Variants in CNTNAP2 observed in about 807,000 individuals in gnomAD.
The protein encoded by CNTNAP2 is contactin-associated protein-like 2.
A neutral mutation model predicts 155.2 loss-of-function variants in CNTNAP2; 98 were observed. The observed-to-expected ratio is 0.63, with a 90% CI of 0.54 to 0.75. The LOEUF is 0.75. Among genes scored for constraint, CNTNAP2 ranks in the 30% least tolerant of loss-of-function variants. The pLI is 0.00. For missense variants in CNTNAP2, 1,727 were observed against 1,688.1 expected, an observed-to-expected ratio of 1.02 and a Z score of -0.40; for synonymous variants, 651 against 631.2, an observed-to-expected ratio of 1.03 and a Z score of -0.47.
intron 8 of CNTNAP2, among the ~76,000 whole-genome samples, chr7:147,209,990 A>AT: frequency 6.6e-6 from 1 of 151,812 alleles, no homozygotes; most frequent in East Asian, 1.9e-4. Context: ...CAAAATACTA[A>AT]TTTGCTAGTA....
At chr7:146,558,370 A>G (rs1357737035) in intron 1 of CNTNAP2, among the ~76,000 whole-genome samples, 1 of 152,224 alleles carries the variant, frequency 6.6e-6, no homozygotes, top group African/African-American at 2.4e-5. Context: ...AGGAATCAGC[A>G]TAGCTGATGG....
intron 12 of CNTNAP2, among the ~76,000 whole-genome samples, chr7:147,614,407 T>C (rs951045508): frequency 6.6e-6 from 1 of 152,122 alleles, no homozygotes; most frequent in African/African-American, 2.4e-5. Context: ...AGTTCTTGCA[T>C]ATATTTTGTG....
chr7:146,779,573 C>A (rs1343485844), intron 2 of CNTNAP2, among the ~76,000 whole-genome samples: 1 of 152,224 alleles, frequency 6.6e-6, no homozygotes, highest in Non-Finnish European at 1.5e-5. Flanking sequence ...GAAACCCAGT[C>A]ATGCAATCTC....
intron 21 of CNTNAP2, among the ~76,000 whole-genome samples, chr7:148,283,284 AAAGAAAGAAAGAAAGAAAGAAAGGAAGG>A (rs1221113256): frequency 0.043 from 4,662 of 109,148 alleles, 394 homozygotes; most frequent in African/African-American, 0.087. Context: ...AGAAAGAAAG[AAAGAAAGAAAGAAAGAAAGAAAGGAAGG>A]AAGGAAGGAA....
intron 1 of CNTNAP2, among the ~76,000 whole-genome samples, chr7:146,414,203 C>A (rs1169615511): frequency 1.3e-5 from 2 of 152,068 alleles, no homozygotes; most frequent in Non-Finnish European, 2.9e-5. Context: ...ATTCGTGATT[C>A]TTAGTGGTTA....
At chr7:147,485,333 T>A (rs977170913) in intron 10 of CNTNAP2, among the ~76,000 whole-genome samples, 1 of 152,216 alleles carries the variant, frequency 6.6e-6, no homozygotes, top group African/African-American at 2.4e-5. Context: ...TAAAAAGATA[T>A]AGATTTGAAC....
At chr7:147,735,679 A>T (rs112324122) in intron 13 of CNTNAP2, among the ~76,000 whole-genome samples, 1 of 152,030 alleles carries the variant, frequency 6.6e-6, no homozygotes. Flanking sequence ...AGGTGTCGAA[A>T]GACTTGCTTT....
At chr7:146,784,973 C>CTTTTTTTTTTTTT in intron 2 of CNTNAP2, among the ~76,000 whole-genome samples, 1 of 141,672 alleles carries the variant, frequency 7.1e-6, no homozygotes, top group Non-Finnish European at 1.5e-5. Flanking sequence ...TATCCCTTTG[C>CTTTTTTTTTTTTT]TTTTTTTTTT....
intron 1 of CNTNAP2, among the ~76,000 whole-genome samples, chr7:146,464,068 A>G (rs918834976): frequency 1.3e-5 from 2 of 152,022 alleles, no homozygotes; most frequent in African/African-American, 4.8e-5. Context: ...CTTATATTCA[A>G]TTTGGTCACA....
chr7:147,046,888 T>C (rs1429234665), intron 4 of CNTNAP2, among the ~76,000 whole-genome samples: 6 of 151,306 alleles, frequency 4.0e-5, no homozygotes, highest in East Asian at 4.0e-4. Flanking sequence ...CAAAATTAAC[T>C]GGGCATTGTG....
intron 1 of CNTNAP2, among the ~76,000 whole-genome samples, chr7:146,368,889 C>T (rs1795192218): frequency 6.7e-6 from 1 of 149,944 alleles, no homozygotes; most frequent in African/African-American, 2.4e-5. Context: ...AATGATATGC[C>T]ATTCTTCCAT....
chr7:146,860,737 T>A (rs941740435), intron 3 of CNTNAP2, among the ~76,000 whole-genome samples: 51 of 152,166 alleles, frequency 3.4e-4, no homozygotes, highest in African/African-American at 1.1e-3. Flanking sequence ...TGAAAAAAAA[T>A]TTCTTGGAAC....
intron 20 of CNTNAP2, among the ~76,000 whole-genome samples, chr7:148,244,493 A>G (rs1467692292): frequency 6.6e-6 from 1 of 150,910 alleles, no homozygotes; most frequent in Admixed American, 6.6e-5. Flanking sequence ...GATTATATTT[A>G]TGTTTTAATT....
chr7:146,823,308 C>A (rs1298911248), intron 2 of CNTNAP2, among the ~76,000 whole-genome samples: 1 of 148,054 alleles, frequency 6.8e-6, no homozygotes, highest in African/African-American at 2.5e-5. Context: ...AGTATAATTA[C>A]ATGTAAATAT....
intron 13 of CNTNAP2, among the ~76,000 whole-genome samples, chr7:147,641,023 G>A (rs1795266620): frequency 6.6e-6 from 1 of 152,200 alleles, no homozygotes; most frequent in African/African-American, 2.4e-5. Context: ...CATGTTGCCA[G>A]GCACATGTGA....
At chr7:147,516,389 T>A (rs1252392133) in intron 11 of CNTNAP2, among the ~76,000 whole-genome samples, 3 of 152,254 alleles carry the variant, frequency 2.0e-5, no homozygotes, top group Non-Finnish European at 4.4e-5. Context: ...ATTTCCGTGT[T>A]AAAATGCTGG....
intron 15 of CNTNAP2, among the ~76,000 whole-genome samples, chr7:148,088,411 C>T (rs954190627): frequency 2.0e-5 from 3 of 150,804 alleles, no homozygotes; most frequent in African/African-American, 7.3e-5. Context: ...TAAACAAAAT[C>T]AATAAAATTT....
chr7:146,783,870 T>C (rs1164463140), intron 2 of CNTNAP2, among the ~76,000 whole-genome samples: 1 of 152,166 alleles, frequency 6.6e-6, no homozygotes, highest in Non-Finnish European at 1.5e-5. Context: ...AGAACATCTT[T>C]AAGGCCAGCA....
rs544080357 is a variant in CNTNAP2 at position 147,123,290 on chromosome 7, A to G, written c.939+2127A>G. On this transcript the variant is annotated intron_variant, in intron 6 of 23. Coordinates refer to ENST00000361727, the MANE Select transcript of CNTNAP2 (RefSeq NM_014141.6). Reference sequence around the variant, plus strand: ...TTCATCCTCTGTTAATAAACTTTGAAGTACCATAGAAGAGGTGAAAATTCT... The same window carrying G: ...TTCATCCTCTGTTAATAAACTTTGAGGTACCATAGAAGAGGTGAAAATTCT... 1.1e-4 allele frequency among the ~76,000 whole-genome samples: 17 copies of G among 152,380 alleles called. No homozygotes were observed. The South Asian group carries it at 2.3e-3, about 20-fold the overall frequency.
Sources: allele counts gnomAD v4.1 joint callset (sites outside exome capture counted in the v4.1 genomes callset), GRCh38; gene constraint gnomAD v4.1.1; transcripts MANE v1.5; gene names NCBI Gene and HGNC (gene_info 2026-07-23, HGNC 2026-07-21).